The following MYOM1 variants were observed in gnomAD, a reference collection of about 807,000 sequenced individuals.
The protein encoded by MYOM1 is myomesin 1.
Under a neutral mutation model 205.3 loss-of-function variants are expected in MYOM1, and 164 were observed. The observed-to-expected ratio is 0.80, with a 90% CI of 0.70 to 0.91. The LOEUF (loss-of-function observed/expected upper bound fraction) is 0.91. Among genes scored for constraint, MYOM1 ranks in the 40% least tolerant of loss-of-function variants. The probability of loss-of-function intolerance (pLI) is 0.00; values close to 1 mark genes in which losing one functional copy is unlikely to be tolerated. For synonymous variants in MYOM1, 772 were observed against 789.4 expected (o/e 0.98, Z 0.37); for missense variants, 2,011 against 2,127.3 (o/e 0.95, Z 1.08).
chr18:3,188,903 TGGATGCTGTG>T lies in MYOM1; in HGVS notation c.606_615del (p.Thr203SerfsTer39), dbSNP rs749005360. ...GACTGCCTGGATGCCGTGGACTGCT[TGGATGCTGTG>T]GACTGCTTGGATGCCGTGGACTGCT... On this transcript the variant is annotated frameshift_variant, in exon 4 of 38. Coordinates refer to ENST00000356443, the MANE Select transcript of MYOM1 (RefSeq NM_003803.4). LOFTEE classifies it high-confidence loss of function. 1 of 1,609,332 alleles carries T rather than the reference TGGATGCTGTG, an allele frequency of 6.2e-7. No individual in the cohort carries two copies. The highest frequency in any genetic ancestry group is 1.7e-4 in the Middle Eastern group (1 of 6,048).
upstream of MYOM1, among the ~76,000 whole-genome samples, chr18:3,221,145 C>T (rs1042508688): frequency 6.6e-6 from 1 of 152,016 alleles, no homozygotes; most frequent in Non-Finnish European, 1.5e-5. Flanking sequence ...CTCAGCCTCC[C>T]GAGTAGCTAC....
At position 3,104,521 on chromosome 18, in the gene MYOM1, T is replaced by A. The variant is rs139857123; in HGVS notation, c.3419-1891A>T. On this transcript the variant is annotated intron_variant, in intron 22 of 37. Coordinates refer to ENST00000356443, the MANE Select transcript of MYOM1 (RefSeq NM_003803.4). ...CTTAAGAATCTTGATTGTGAAAGAT[T>A]TGACTTTTCTGAAAACAAAATAGCC... Among the ~76,000 whole-genome samples, 618 of 152,280 alleles carry A rather than the reference T, an allele frequency of 4.1e-3. 5 individuals carry two copies. Among genetic ancestry groups the A allele is most frequent in the African/African-American group, 0.014 (588 of 41,546 alleles).
chr18:3,131,061 G>A (rs1402792606), intron 17 of MYOM1, among the ~76,000 whole-genome samples: 6 of 152,196 alleles, frequency 3.9e-5, no homozygotes, highest in Admixed American at 1.3e-4. Context: ...TCATGGAATC[G>A]GAATGGCCCT....
chr18:3,214,213 C>T (rs918113797), intron 2 of MYOM1, among the ~76,000 whole-genome samples: 3 of 152,208 alleles, frequency 2.0e-5, no homozygotes, highest in African/African-American at 7.2e-5. Flanking sequence ...AGTTCAGTCT[C>T]CTGTGCCCTG....
chr18:3,120,036 T>C, intron 19 of MYOM1, 41 bp from the exon 20 acceptor site: 1 of 1,530,768 alleles, frequency 6.5e-7, no homozygotes, highest in East Asian at 2.4e-5. Context: ...ATGTTCCAGG[T>C]TTGTTTTTTT....
intron 22 of MYOM1, among the ~76,000 whole-genome samples, 181 bp downstream of exon 22, chr18:3,112,117 T>C (rs2079535515): frequency 6.6e-6 from 1 of 152,196 alleles, no homozygotes; most frequent in South Asian, 2.1e-4. Flanking sequence ...GGCTCAACCC[T>C]GTCCTGAGGT....
intron 21 of MYOM1, among the ~76,000 whole-genome samples, chr18:3,112,960 G>C (rs911006805): frequency 1.3e-5 from 2 of 152,056 alleles, no homozygotes; most frequent in African/African-American, 4.8e-5. Flanking sequence ...ATTTAATATA[G>C]CTATTTCTTA....
Position 3,188,822 on chromosome 18 carries a change from C to T in MYOM1, c.697G>A (p.Glu233Lys), listed in dbSNP as rs774607670. Residue 233 changes from glutamate (E) to lysine (K), a missense_variant, in exon 4 of 38, where the codon GAA becomes AAA. Physicochemically the swap from Glu to Lys is moderately conservative, Grantham distance 56 (BLOSUM62 1). Coordinates refer to ENST00000356443, the MANE Select transcript of MYOM1 (RefSeq NM_003803.4). ...SKQATSALQQ[E>K]ETSEKKSRKV... ...CTTGACTTCTTTTCAGAAGTTTCTT[C>T]CTGTTGAAGAGCGGATGTGGCCTGT... 4 of 1,610,364 alleles carry T rather than the reference C, an allele frequency of 2.5e-6. No homozygotes were observed. The African/African-American group carries it at 5.4e-5, about 22-fold the overall frequency.
chr18:3,201,458 A>G (rs2081066374), intron 2 of MYOM1, among the ~76,000 whole-genome samples: 1 of 152,084 alleles, frequency 6.6e-6, no homozygotes, highest in Admixed American at 6.6e-5. Context: ...ACCCACACGA[A>G]AAGATGGAGA....
chr18:3,196,963 G>A (rs541088837), intron 2 of MYOM1, among the ~76,000 whole-genome samples: 4 of 152,256 alleles, frequency 2.6e-5, no homozygotes, highest in South Asian at 2.1e-4. Flanking sequence ...AAGAGGACTC[G>A]GGGATATTTA....
intron 5 of MYOM1, among the ~76,000 whole-genome samples, chr18:3,177,028 CT>C (rs2080651402): frequency 6.6e-6 from 1 of 152,172 alleles, no homozygotes; most frequent in Admixed American, 6.5e-5. Context: ...GGAAGAATCA[CT>C]TGAGGCCAGG....
Position 3,102,630 on chromosome 18 carries a change from C to T in MYOM1, c.3419G>A (p.Gly1140Glu), listed in dbSNP as rs375843420. 154 of 1,610,124 alleles carry T rather than the reference C, an allele frequency of 9.6e-5. No individual in the cohort carries two copies. Among genetic ancestry groups the T allele is most frequent in the Non-Finnish European group, 1.3e-4 (149 of 1,178,496 alleles). ...CACATTTACAACAACCTCTTTGGTT[C>T]CTACAAGATCAAAAAGAAGGCACTG... ...AGPVVAETRP[G>E]TKEVVVNVDD... Residue 1140 changes from glycine to glutamate, a missense_variant and splice_region_variant, in exon 23 of 38, where the codon GGA (glycine) becomes GAA (glutamate). Physicochemically the swap from Gly to Glu is moderately conservative, Grantham distance 98. Transcript: ENST00000356443.
At chr18:3,188,372 T>C (rs2080851317) in intron 4 of MYOM1, among the ~76,000 whole-genome samples, 1 of 151,976 alleles carries the variant, frequency 6.6e-6, no homozygotes, top group African/African-American at 2.4e-5. Flanking sequence ...ATCCCAACAT[T>C]TGGGGAGGCC....
intron 5 of MYOM1, among the ~76,000 whole-genome samples, chr18:3,176,508 G>C (rs918931122): frequency 9.9e-5 from 15 of 152,158 alleles, no homozygotes. Context: ...GAAATCAGTA[G>C]TGTGTTGGGA....
chr18:3,157,808 A>G (rs374660162), intron 10 of MYOM1, among the ~76,000 whole-genome samples: 3 of 151,768 alleles, frequency 2.0e-5, no homozygotes, highest in African/African-American at 4.8e-5. Context: ...GAAGCAAGGA[A>G]ACACAGTATT....
intron 26 of MYOM1, among the ~76,000 whole-genome samples, chr18:3,091,179 G>C (rs2079220763): frequency 6.6e-6 from 1 of 152,042 alleles, no homozygotes; most frequent in South Asian, 2.1e-4. Context: ...AGCCTGGTGT[G>C]GTGGGATGCG....
At chr18:3,077,507 G>A (rs192672189) in intron 34 of MYOM1, among the ~76,000 whole-genome samples, 109 of 152,252 alleles carry the variant, frequency 7.2e-4, no homozygotes, top group Non-Finnish European at 7.2e-4. Context: ...AAAATGAAGG[G>A]TAGACCAGTT....
intron 1 of MYOM1, among the ~76,000 whole-genome samples, chr18:3,218,117 T>C (rs2081291924): frequency 6.6e-6 from 1 of 152,202 alleles, no homozygotes; most frequent in Non-Finnish European, 1.5e-5. Flanking sequence ...TTGTTTAGCA[T>C]AGGGTGGGGA....
At chr18:3,111,640 C>T (rs1288297891) in intron 22 of MYOM1, among the ~76,000 whole-genome samples, 1 of 152,042 alleles carries the variant, frequency 6.6e-6, no homozygotes, top group East Asian at 1.9e-4. Context: ...GAAAATTATA[C>T]AAGATTGAAA....
Sources: gnomAD v4.1 joint callset for allele counts (sites outside exome capture counted in the v4.1 genomes callset) on GRCh38, gnomAD v4.1.1 for gene constraint, MANE v1.5 for transcripts, NCBI Gene and HGNC (gene_info 2026-07-23, HGNC 2026-07-21) for gene names.